Variants in NAGPA observed in about 807,000 individuals in gnomAD.
NAGPA encodes alpha-N-acetylglucosaminyl phosphodiesterase.
A neutral mutation model predicts 48.5 loss-of-function variants in NAGPA; 56 were observed. The ratio of observed to expected loss-of-function variants is 1.15; its 90% confidence interval spans 0.93 to 1.44. The LOEUF is 1.44. NAGPA is among the 40% of genes most tolerant of loss of function. The pLI, the probability that NAGPA is intolerant of heterozygous loss-of-function variation, is 0.00. For synonymous variants in NAGPA, 399 were observed against 315.5 expected, an observed-to-expected ratio of 1.26 and a Z score of -2.81; for missense variants, 888 against 735.0, an observed-to-expected ratio of 1.21 and a Z score of -2.41.
chr16:5,028,270 T>C, intron 5 of NAGPA, 85 bp from the exon 6 acceptor site: 8 of 1,416,726 alleles, frequency 5.6e-6, no homozygotes, highest in Non-Finnish European at 7.4e-6. Context: ...CACCCCTCTC[T>C]CCATTCTCAC....
rs765904178 is a variant in NAGPA at position 5,027,973 on chromosome 16, C to T, written c.1126+7G>A. ...GGCAGAGCCCCCTCCCCAGAACCCC[C>T]ACTCACTCTCCGTGCACAGTCCGTG... is the stretch of plus-strand genomic sequence containing the variant. On this transcript the variant is annotated splice_region_variant and intron_variant, in intron 6 of 9. Coordinates refer to ENST00000312251, the MANE Select transcript of NAGPA (RefSeq NM_016256.4). 6.2e-6 allele frequency: 10 copies of T among 1,613,842 alleles called. No homozygotes were observed. Among genetic ancestry groups the T allele is most frequent in the Admixed American group, 3.3e-5 (2 of 60,016 alleles).
intron 4 of NAGPA, chr16:5,030,130 T>C: frequency 1.7e-6 from 1 of 575,136 alleles, no homozygotes. Flanking sequence ...CCCTGCTCAC[T>C]TTGTGACCAT....
chr16:5,033,130 G>T lies in NAGPA; in HGVS notation c.542+143C>A. 1 of 977,538 alleles carries T rather than the reference G, an allele frequency of 1.0e-6. No individual in the cohort carries two copies. The highest frequency in any genetic ancestry group is 1.5e-6 in the Non-Finnish European group (1 of 652,904). 60.6% of individuals were successfully genotyped at this position (977,538 alleles called of 1,614,324 possible). A position where few individuals can be genotyped will look rare whatever the true frequency, so the allele number is the denominator to read the frequency against. On this transcript the variant is annotated intron_variant, in intron 2 of 9. Transcript: ENST00000312251. This position sits in a 1 kb window ranked among gnomAD's most constrained non-coding sequence, Gnocchi z 4.2. ...TGATACTGGATGATGAATAAACTCT[G>T]CAAGGAAGCGATTCCTATCCCCATT... is the stretch of plus-strand genomic sequence containing the variant.
rs751818624 is a variant in NAGPA at position 5,027,917 on chromosome 16, C to A, written c.1127-24G>T. The A allele has an allele frequency of 6.8e-6, 11 of 1,610,556 alleles. No individual in the cohort carries two copies. In the East Asian group the frequency reaches 1.3e-4, roughly 20 times the overall value. On this transcript the variant is annotated intron_variant, in intron 6 of 9. Transcript: ENST00000312251. ...GGCTGCCGAGACAAGACCGGGGAGG[C>A]CAGGTGAGGGCCTAGGGCAAGGCAG... is the stretch of plus-strand genomic sequence containing the variant.
At chr16:5,026,148 T>G (rs556787280) in intron 9 of NAGPA, among the ~76,000 whole-genome samples, 2 of 149,740 alleles carry the variant, frequency 1.3e-5, no homozygotes, top group African/African-American at 4.9e-5. Flanking sequence ...AGGCTGGTCT[T>G]GAACTCCTGA....
chr16:5,026,572 T>G (rs985339569), intron 9 of NAGPA, among the ~76,000 whole-genome samples: 1 of 152,100 alleles, frequency 6.6e-6, no homozygotes, highest in Non-Finnish European at 1.5e-5. Context: ...GTTACTGATT[T>G]TTAGATGCTG....
intron 3 of NAGPA, among the ~76,000 whole-genome samples, chr16:5,030,816 C>T (rs1375940939): frequency 1.3e-5 from 2 of 152,202 alleles, no homozygotes; most frequent in Admixed American, 6.5e-5. Context: ...GGTGTCCCCT[C>T]ACCACCCTGC....
intron 7 of NAGPA, 145 bp downstream of exon 7, chr16:5,027,701 A>G (rs2142557742): frequency 8.0e-7 from 1 of 1,253,010 alleles, no homozygotes; most frequent in African/African-American, 1.5e-5. Flanking sequence ...GGGGAGTCAC[A>G]CAGTGATGTG....
chr16:5,027,719 G>A (rs982909784), intron 7 of NAGPA, 127 bp downstream of exon 7: 2 of 1,379,346 alleles, frequency 1.4e-6, no homozygotes. Context: ...GTGCAGGTGA[G>A]GCCGGGGCAG....
At chr16:5,027,932 G>C (rs756755315) in intron 6 of NAGPA, 39 bp from the exon 7 acceptor site, 2 of 1,613,066 alleles carry the variant, frequency 1.2e-6, no homozygotes, top group Admixed American at 3.3e-5. Flanking sequence ...TGAGGGCCTA[G>C]GGCAAGGCAG....
Sources: allele counts gnomAD v4.1 joint callset (sites outside exome capture counted in the v4.1 genomes callset), GRCh38; gene constraint gnomAD v4.1.1; non-coding constraint Gnocchi (gnomAD v3.1); transcripts MANE v1.5; gene names NCBI Gene and HGNC (gene_info 2026-07-23, HGNC 2026-07-21).